Variants in LRP1B observed in about 807,000 individuals in gnomAD.
The protein encoded by LRP1B is low-density lipoprotein receptor-related protein 1B.
A neutral mutation model predicts 556.6 loss-of-function variants in LRP1B; 217 were observed. The observed-to-expected ratio is 0.39, with a 90% CI of 0.35 to 0.44. The LOEUF (loss-of-function observed/expected upper bound fraction) is 0.44. Ranked by LOEUF, LRP1B falls within the 20% of genes least tolerant of loss-of-function variation. The pLI is 1.00. For synonymous variants in LRP1B, 2,047 were observed against 1,865.8 expected, an observed-to-expected ratio of 1.10 and a Z score of -2.50; for missense variants, 5,053 against 5,620.8, an observed-to-expected ratio of 0.90 and a Z score of 3.23.
At chr2:140,257,896 C>T (rs1013637117) in intron 86 of LRP1B, among the ~76,000 whole-genome samples, 1 of 152,232 alleles carries the variant, frequency 6.6e-6, no homozygotes, top group African/African-American at 2.4e-5. Flanking sequence ...TCTAAGGGAC[C>T]ACAAGGTCAC....
chr2:140,946,511 G>T (rs1695552270), intron 20 of LRP1B, among the ~76,000 whole-genome samples: 1 of 152,080 alleles, frequency 6.6e-6, no homozygotes, highest in South Asian at 2.1e-4. Context: ...TGAGGCATGA[G>T]AGTTGCGTGA....
At chr2:141,485,308 C>T (rs1420209543) in intron 2 of LRP1B, among the ~76,000 whole-genome samples, 1 of 152,122 alleles carries the variant, frequency 6.6e-6, no homozygotes, top group Non-Finnish European at 1.5e-5. Context: ...CCCAAATTTT[C>T]ATATCAATAT....
At chr2:141,870,696 A>G (rs567613209) in intron 1 of LRP1B, among the ~76,000 whole-genome samples, 1 of 151,930 alleles carries the variant, frequency 6.6e-6, no homozygotes, top group Non-Finnish European at 1.5e-5. Flanking sequence ...AACTTTTCTT[A>G]TATTTGCTGT....
chr2:140,853,196 C>G (rs541928502), intron 27 of LRP1B, among the ~76,000 whole-genome samples: 1 of 152,048 alleles, frequency 6.6e-6, no homozygotes, highest in Non-Finnish European at 1.5e-5. Flanking sequence ...CACAAACTCT[C>G]ATGTAGAGGT....
chr2:141,212,364 C>T (rs181822959), intron 6 of LRP1B, among the ~76,000 whole-genome samples: 1,830 of 141,338 alleles, frequency 0.013, 42 homozygotes, highest in African/African-American at 0.042. Flanking sequence ...CTGCAAGCTC[C>T]GCCTCCTGGG....
At chr2:141,977,925 A>C (rs926121950) in intron 1 of LRP1B, among the ~76,000 whole-genome samples, 7 of 152,304 alleles carry the variant, frequency 4.6e-5, no homozygotes, top group Admixed American at 4.6e-4. Context: ...AACATCTACA[A>C]TAAACTATAT....
intron 3 of LRP1B, among the ~76,000 whole-genome samples, chr2:141,276,542 A>T (rs561469204): frequency 2.7e-4 from 41 of 152,100 alleles, no homozygotes; most frequent in African/African-American, 8.4e-4. Context: ...GTGAGAACAC[A>T]TGGGGTTTGT....
intron 3 of LRP1B, among the ~76,000 whole-genome samples, chr2:141,337,840 C>T (rs1414662326): frequency 6.6e-6 from 1 of 152,136 alleles, no homozygotes; most frequent in African/African-American, 2.4e-5. Flanking sequence ...GAAAAACCAT[C>T]TAAAGTCTTT....
chr2:141,577,683 T>A (rs1321661037), intron 2 of LRP1B, among the ~76,000 whole-genome samples: 1 of 152,182 alleles, frequency 6.6e-6, no homozygotes, highest in Admixed American at 6.5e-5. Context: ...CACGTGATAG[T>A]GTATTACCTC....
At chr2:141,351,465 A>T (rs1445169710) in intron 3 of LRP1B, among the ~76,000 whole-genome samples, 1 of 151,996 alleles carries the variant, frequency 6.6e-6, no homozygotes, top group Non-Finnish European at 1.5e-5. Context: ...AGGCTGTTCT[A>T]TATACAAATA....
intron 37 of LRP1B, among the ~76,000 whole-genome samples, chr2:140,706,049 A>T (rs1039625419): frequency 6.6e-6 from 1 of 152,188 alleles, no homozygotes; most frequent in Non-Finnish European, 1.5e-5. Flanking sequence ...AACTGCAGAA[A>T]GAGACTTGTA....
At position 141,546,031 on chromosome 2, in the gene LRP1B, C is replaced by T. The variant is rs558871292; in HGVS notation, c.206-65498G>A. ...CAACAGAAAATGAATACAGTTTATC[C>T]GCATGGATCTTGGTGATGCTTCCCT... On this transcript the variant is annotated intron_variant, in intron 2 of 90. Transcript: ENST00000389484. Among the ~76,000 whole-genome samples, 33 of 152,164 alleles carry T rather than the reference C, an allele frequency of 2.2e-4. 1 individual carries two copies. The highest frequency in any genetic ancestry group is 6.8e-3 in the Middle Eastern group (2 of 294).
At chr2:140,750,835 A>T (rs1190936416) in intron 35 of LRP1B, among the ~76,000 whole-genome samples, 1 of 152,112 alleles carries the variant, frequency 6.6e-6, no homozygotes, top group East Asian at 1.9e-4. Context: ...TTAATATCTC[A>T]GTGGCCTAAA....
At chr2:141,654,641 G>A (rs1689935283) in intron 2 of LRP1B, among the ~76,000 whole-genome samples, 1 of 151,996 alleles carries the variant, frequency 6.6e-6, no homozygotes, top group African/African-American at 2.4e-5. Context: ...GCTGTATCTA[G>A]CTCTTCTCTC....
At chr2:141,604,974 G>A (rs1687862107) in intron 2 of LRP1B, among the ~76,000 whole-genome samples, 1 of 152,064 alleles carries the variant, frequency 6.6e-6, no homozygotes, top group African/African-American at 2.4e-5. Context: ...ACCTGAGCTG[G>A]TGCACAAGCC....
chr2:141,611,881 C>A (rs951456841), intron 2 of LRP1B, among the ~76,000 whole-genome samples: 5 of 152,098 alleles, frequency 3.3e-5, no homozygotes, highest in African/African-American at 1.2e-4. Flanking sequence ...CAGGACACAG[C>A]CCGATTTAAT....
At chr2:140,664,178 G>A (rs1685189860) in intron 41 of LRP1B, among the ~76,000 whole-genome samples, 1 of 152,014 alleles carries the variant, frequency 6.6e-6, no homozygotes. Context: ...ATAATAATAA[G>A]GAAAAGACTG....
chr2:140,981,274 G>A (rs115771068), intron 18 of LRP1B, among the ~76,000 whole-genome samples: 1,541 of 151,886 alleles, frequency 0.01, 24 homozygotes, highest in South Asian at 0.014. Context: ...ATAATAAACA[G>A]AAGGGTTAAA....
intron 3 of LRP1B, among the ~76,000 whole-genome samples, chr2:141,394,424 T>C (rs1443872741): frequency 6.6e-6 from 1 of 152,082 alleles, no homozygotes; most frequent in African/African-American, 2.4e-5. Flanking sequence ...ATCAGGCCCA[T>C]AATAGAAATT....
Sources: gnomAD v4.1 joint callset for allele counts (sites outside exome capture counted in the v4.1 genomes callset) on GRCh38, gnomAD v4.1.1 for gene constraint, MANE v1.5 for transcripts, NCBI Gene and HGNC (gene_info 2026-07-23, HGNC 2026-07-21) for gene names.